The following TSNARE1 variants were observed in gnomAD, a reference collection of about 807,000 sequenced individuals.
TSNARE1 encodes t-SNARE domain containing 1, also known as t-SNARE domain-containing protein 1.
A neutral mutation model predicts 62.0 loss-of-function variants in TSNARE1; 49 were observed. The ratio of observed to expected loss-of-function variants is 0.79; its 90% CI spans 0.63 to 1.00. The LOEUF (loss-of-function observed/expected upper bound fraction) is 1.00, where lower values mean the gene tolerates loss of function less well. Among genes scored for constraint, TSNARE1 ranks in the 50% least tolerant of loss-of-function variants. The pLI, the probability that TSNARE1 is intolerant of heterozygous loss-of-function variation, is 0.00. For synonymous variants in TSNARE1, 328 were observed against 294.4 expected (o/e 1.11, Z -1.17); for missense variants, 755 against 700.1 (o/e 1.08, Z -0.88).
At chr8:142,308,263 G>A (rs564330600) in intron 9 of TSNARE1, among the ~76,000 whole-genome samples, 1 of 152,170 alleles carries the variant, frequency 6.6e-6, no homozygotes. Context: ...GTGCGTCTGT[G>A]TAAGAAATAC....
intron 1 of TSNARE1, among the ~76,000 whole-genome samples, chr8:142,366,624 T>C (rs931116102): frequency 6.6e-6 from 1 of 152,158 alleles, no homozygotes; most frequent in African/African-American, 2.4e-5. Flanking sequence ...CACAAGAAGC[T>C]GTCTTATAAT....
At chr8:142,318,668 G>A (rs1385637798) in intron 6 of TSNARE1, 34 bp from the exon 7 acceptor site, 2 of 1,609,628 alleles carry the variant, frequency 1.2e-6, no homozygotes, top group Non-Finnish European at 8.5e-7. Flanking sequence ...AGCGAAGGCA[G>A]GGGAGGAAGG....
chr8:142,330,188 T>G (rs1020923549), intron 6 of TSNARE1, among the ~76,000 whole-genome samples: 8 of 152,298 alleles, frequency 5.3e-5, no homozygotes, highest in African/African-American at 1.9e-4. Flanking sequence ...CAGCAGCAAG[T>G]GCAGTGGGGG....
chr8:142,326,042 G>C (rs535443827), intron 6 of TSNARE1: 1 of 161,114 alleles, frequency 6.2e-6, no homozygotes, highest in Non-Finnish European at 1.3e-5. Flanking sequence ...AGCATGAGAC[G>C]GATGACGAAC....
intron 12 of TSNARE1, among the ~76,000 whole-genome samples, chr8:142,232,291 G>A (rs989899414): frequency 2.6e-5 from 4 of 152,234 alleles, no homozygotes; most frequent in African/African-American, 7.2e-5. Flanking sequence ...TGACAGGCCC[G>A]GCCTGGCCTC....
chr8:142,313,317 T>C (rs1586736676), intron 9 of TSNARE1, among the ~76,000 whole-genome samples: 1 of 152,152 alleles, frequency 6.6e-6, no homozygotes, highest in South Asian at 2.1e-4. Flanking sequence ...TGTGTCTGCA[T>C]GTCTGTGTCT....
chr8:142,331,786 A>G lies in TSNARE1; in HGVS notation c.791T>C (p.Met264Thr). ...GTTGATTCGGAAGACGTTGGCCGAC[A>G]TCTCCTGGAACAGCTCCTGGAGGTT... ...PCNLQELFQE[M>T]SANVFRINSS... Residue 264 changes from methionine to threonine, a missense_variant, in exon 5 of 14, where the codon ATG (methionine) becomes ACG (threonine). Transcript: ENST00000524325. 6.2e-7 allele frequency: 1 copy of G among 1,607,300 alleles called. No homozygotes were observed. The highest frequency in any genetic ancestry group is 8.5e-7 in the Non-Finnish European group (1 of 1,177,018).
At chr8:142,329,202 C>A (rs1830672441) in intron 6 of TSNARE1, among the ~76,000 whole-genome samples, 1 of 152,226 alleles carries the variant, frequency 6.6e-6, no homozygotes, top group Non-Finnish European at 1.5e-5. Flanking sequence ...GCAGGCTAGA[C>A]CCACAGCTGG....
intron 2 of TSNARE1, among the ~76,000 whole-genome samples, chr8:142,349,330 C>T (rs1833795210): frequency 6.6e-6 from 1 of 152,116 alleles, no homozygotes; most frequent in African/African-American, 2.4e-5. Context: ...ATTTAAAATA[C>T]TATACATTTC....
At chr8:142,329,983 C>T (rs949097217) in intron 6 of TSNARE1, among the ~76,000 whole-genome samples, 4 of 152,250 alleles carry the variant, frequency 2.6e-5, no homozygotes, top group African/African-American at 7.2e-5. Flanking sequence ...ACCCTCCACC[C>T]TTGTGGGAGC....
intron 12 of TSNARE1, chr8:142,269,925 C>T (rs377730913): frequency 5.4e-5 from 53 of 985,418 alleles, no homozygotes; most frequent in East Asian, 4.5e-4. Flanking sequence ...AAACGCAAAA[C>T]GAGGAAAAGG....
intron 12 of TSNARE1, chr8:142,274,220 T>A: frequency 1.0e-6 from 1 of 985,418 alleles, no homozygotes. Flanking sequence ...CGGCTGGGCC[T>A]CCATCTCAGC....
At chr8:142,328,142 G>T (rs969205636) in intron 6 of TSNARE1, among the ~76,000 whole-genome samples, 1 of 150,866 alleles carries the variant, frequency 6.6e-6, no homozygotes, top group African/African-American at 2.5e-5. Flanking sequence ...ATATATCATA[G>T]GTGTTAGAAA....
At chr8:142,406,318 T>C (rs562388101), upstream of TSNARE1, 6 of 152,402 alleles carry the variant, frequency 3.9e-5, no homozygotes, top group South Asian at 4.1e-4. Flanking sequence ...GCCACTTCCA[T>C]TGTAGCTGAT....
intron 11 of TSNARE1, among the ~76,000 whole-genome samples, chr8:142,281,217 A>G (rs961907687): frequency 1.4e-5 from 2 of 140,978 alleles, no homozygotes; most frequent in African/African-American, 5.6e-5. Flanking sequence ...GCTTTAACCA[A>G]AGGCCCGTGG....
intron 11 of TSNARE1, among the ~76,000 whole-genome samples, chr8:142,282,320 C>T (rs1821644444): frequency 1.3e-5 from 2 of 152,268 alleles, no homozygotes; most frequent in African/African-American, 4.8e-5. Flanking sequence ...TGTGGGGAAT[C>T]TCTGGGCAGA....
At chr8:142,371,973 T>A (rs1484287592) in intron 1 of TSNARE1, among the ~76,000 whole-genome samples, 1 of 152,096 alleles carries the variant, frequency 6.6e-6, no homozygotes, top group Non-Finnish European at 1.5e-5. Flanking sequence ...AACACCAACA[T>A]ATTTACAGTC....
At chr8:142,224,899 G>A (rs140111374) in intron 13 of TSNARE1, among the ~76,000 whole-genome samples, 5 of 152,276 alleles carry the variant, frequency 3.3e-5, no homozygotes, top group Admixed American at 6.5e-5. Flanking sequence ...GGCAGAGGGC[G>A]GGGCTGGGTA....
At chr8:142,354,809 G>C in intron 1 of TSNARE1, 46 bp from the exon 2 acceptor site, 1 of 1,170,360 alleles carries the variant, frequency 8.5e-7, no homozygotes, top group Middle Eastern at 1.9e-4. Context: ...AAGACATGGG[G>C]ATTAAAGCTC....
Sources: allele counts gnomAD v4.1 joint callset (sites outside exome capture counted in the v4.1 genomes callset), GRCh38; gene constraint gnomAD v4.1.1; transcripts MANE v1.5; gene names NCBI Gene and HGNC (gene_info 2026-07-23, HGNC 2026-07-21).